The following PRELID2 variants were observed in gnomAD, a reference collection of about 807,000 sequenced individuals.
The protein encoded by PRELID2 is PRELI domain-containing protein 2.
A neutral mutation model predicts 28.4 loss-of-function variants in PRELID2; 25 were observed. That is an observed-to-expected ratio of 0.88 (90% CI 0.64 to 1.23). PRELID2 has a LOEUF of 1.23. PRELID2 is among the 50% of genes most tolerant of loss of function. The pLI is 0.00. For synonymous variants in PRELID2, 76 were observed against 71.6 expected, an observed-to-expected ratio of 1.06 and a Z score of -0.31; for missense variants, 201 against 214.4, an observed-to-expected ratio of 0.94 and a Z score of 0.39.
In PRELID2 at chr5:145,835,230, G is replaced by T. The variant is rs368280361; in HGVS notation, c.22C>A (p.His8Asn). The T allele has an allele frequency of 3.2e-6, 5 of 1,546,140 alleles. No individual in the cohort carries two copies. Among genetic ancestry groups the T allele is most frequent in the Non-Finnish European group, 3.5e-6 (4 of 1,144,322 alleles). Residue 8 changes from histidine (H) to asparagine (N), a missense_variant, in exon 1 of 7, where the codon CAC becomes AAC. Transcript: ENST00000683046. ...TCGAAGGGGTACTTGTACACCTGGT[G>T]CACATCCACCGAGACCCCCATCCCC... is the stretch of plus-strand genomic sequence containing the variant. MGVSVDV[H>N]QVYKYPFEQV... is the part of the protein sequence containing the mutation.
chr5:145,524,734 T>C (rs1293867351), intron 1 of PRELID2, among the ~76,000 whole-genome samples: 3 of 152,208 alleles, frequency 2.0e-5, no homozygotes, highest in Non-Finnish European at 4.4e-5. Flanking sequence ...CCAAGTTACC[T>C]GGAATAACTC....
At chr5:145,521,813 T>C (rs1200972920) in intron 1 of PRELID2, among the ~76,000 whole-genome samples, 1 of 152,122 alleles carries the variant, frequency 6.6e-6, no homozygotes, top group Non-Finnish European at 1.5e-5. Context: ...ACCAGATCAA[T>C]CCTCCTCTCT....
chr5:145,476,727 C>A (rs1164387537), intron 1 of PRELID2, among the ~76,000 whole-genome samples: 1 of 152,066 alleles, frequency 6.6e-6, no homozygotes, highest in Non-Finnish European at 1.5e-5. Flanking sequence ...GAATGAAACA[C>A]CTTTCACATG....
At chr5:145,724,460 T>A (rs13175629) in intron 1 of PRELID2, among the ~76,000 whole-genome samples, 1 of 151,146 alleles carries the variant, frequency 6.6e-6, no homozygotes, top group African/African-American at 2.4e-5. Context: ...AATATTAAGG[T>A]GATTGGCAAA....
intron 1 of PRELID2, among the ~76,000 whole-genome samples, chr5:145,490,868 G>C (rs770218559): frequency 6.6e-5 from 10 of 152,108 alleles, no homozygotes; most frequent in Non-Finnish European, 1.2e-4. Context: ...TGCTTCCTTT[G>C]GTATACGGGA....
intron 1 of PRELID2, among the ~76,000 whole-genome samples, chr5:145,671,639 G>A (rs1394751143): frequency 6.6e-6 from 1 of 152,118 alleles, no homozygotes; most frequent in Non-Finnish European, 1.5e-5. Flanking sequence ...ACCAGCATTC[G>A]ACATCCACAG....
At chr5:145,375,954 A>G in the PRELID2 span, among the ~76,000 whole-genome samples, 4 of 152,178 alleles carry the variant, frequency 2.6e-5, no homozygotes, top group African/African-American at 9.6e-5. Context: ...GTGGTGAAAG[A>G]GGGCATTCTT....
Position 145,696,166 on chromosome 5 carries a change from T to G in PRELID2, n.70+68765A>C, listed in dbSNP as rs573420440. Among the ~76,000 whole-genome samples the G allele has an allele frequency of 4.1e-5, 6 of 148,044 alleles. No individual in the cohort carries two copies. The South Asian group carries it at 1.3e-3, about 33-fold the overall frequency. On this transcript the variant is annotated intron_variant and non_coding_transcript_variant, in intron 1 of 2. Transcript: ENST00000510259. Reference sequence around the variant, plus strand: ...AGCAATAAATAATAGCTTTTTTTTTTTTTTTTTTTTTTTTTACCAGTGTTG... The same window carrying G: ...AGCAATAAATAATAGCTTTTTTTTTGTTTTTTTTTTTTTTTACCAGTGTTG...
the PRELID2 span, among the ~76,000 whole-genome samples, chr5:145,301,121 T>C: frequency 6.6e-6 from 1 of 152,134 alleles, no homozygotes; most frequent in Non-Finnish European, 1.5e-5. Flanking sequence ...GCAACATTTG[T>C]GAGGTTCAGT....
intron 1 of PRELID2, among the ~76,000 whole-genome samples, chr5:145,680,828 A>G (rs1754918093): frequency 6.6e-6 from 1 of 152,162 alleles, no homozygotes; most frequent in South Asian, 2.1e-4. Context: ...GCGTATAACA[A>G]GACTGGGTAT....
At chr5:145,818,761 G>C (rs1754552318) in intron 3 of PRELID2, among the ~76,000 whole-genome samples, 1 of 152,164 alleles carries the variant, frequency 6.6e-6, no homozygotes, top group South Asian at 2.1e-4. Context: ...TTTAATTCAT[G>C]ATAAGGAAGT....
chr5:145,793,521 C>G (rs534339625), intron 5 of PRELID2, among the ~76,000 whole-genome samples: 17 of 152,272 alleles, frequency 1.1e-4, no homozygotes, highest in African/African-American at 4.1e-4. Context: ...AAAAGACACT[C>G]AGGCATAAAT....
At chr5:145,405,250 C>T in the PRELID2 span, among the ~76,000 whole-genome samples, 2 of 152,052 alleles carry the variant, frequency 1.3e-5, no homozygotes, top group African/African-American at 4.8e-5. Flanking sequence ...GTAGATAAAA[C>T]CTATTACATA....
At chr5:145,596,524 CTTG>C (rs1753309319) in intron 1 of PRELID2, among the ~76,000 whole-genome samples, 1 of 152,084 alleles carries the variant, frequency 6.6e-6, no homozygotes, top group East Asian at 1.9e-4. Context: ...AAACCAGGTT[CTTG>C]TTGTTGTTCC....
At chr5:145,647,699 G>A (rs555816742) in intron 1 of PRELID2, among the ~76,000 whole-genome samples, 1 of 152,336 alleles carries the variant, frequency 6.6e-6, no homozygotes, top group Admixed American at 6.5e-5. Context: ...CTGCTCTGTG[G>A]GTTGCAAAGA....
At chr5:145,554,148 T>C (rs1443935109) in intron 1 of PRELID2, among the ~76,000 whole-genome samples, 1 of 152,196 alleles carries the variant, frequency 6.6e-6, no homozygotes, top group African/African-American at 2.4e-5. Context: ...TGTAGACTGA[T>C]AGATGAGAAT....
intron 1 of PRELID2, among the ~76,000 whole-genome samples, chr5:145,510,157 C>T (rs144272060): frequency 5.7e-4 from 87 of 152,262 alleles, no homozygotes; most frequent in African/African-American, 2.0e-3. Context: ...CTGGTTCACA[C>T]TCAAACCTCA....
At chr5:145,793,256 C>A (rs2149813197) in intron 5 of PRELID2, among the ~76,000 whole-genome samples, 1 of 152,202 alleles carries the variant, frequency 6.6e-6, no homozygotes, top group African/African-American at 2.4e-5. Flanking sequence ...ATGGCTAAAG[C>A]CAGCTTTTAA....
At chr5:145,568,473 G>A (rs777424958) in intron 1 of PRELID2, among the ~76,000 whole-genome samples, 36 of 152,168 alleles carry the variant, frequency 2.4e-4, no homozygotes, top group East Asian at 7.7e-4. Context: ...TTAGATCAGC[G>A]ATCATAATGG....
Sources: gnomAD v4.1 joint callset for allele counts (sites outside exome capture counted in the v4.1 genomes callset) on GRCh38, gnomAD v4.1.1 for gene constraint, MANE v1.5 for transcripts, NCBI Gene and HGNC (gene_info 2026-07-23, HGNC 2026-07-21) for gene names.